RAD9B: variants seen among roughly 807,000 people sequenced by gnomAD.
RAD9B encodes RAD9 checkpoint clamp component B, also known as cell cycle checkpoint control protein RAD9B.
RAD9B carries 41 observed loss-of-function variants against 48.3 expected under a neutral mutation model. The observed-to-expected ratio is 0.85, with a 90% CI of 0.66 to 1.10. The LOEUF (loss-of-function observed/expected upper bound fraction) is 1.10. RAD9B is among the 50% of genes least tolerant of loss of function. RAD9B has a pLI of 0.00. For synonymous variants in RAD9B, 160 were observed against 157.9 expected, an observed-to-expected ratio of 1.01 and a Z score of -0.10; for missense variants, 444 against 485.1, an observed-to-expected ratio of 0.92 and a Z score of 0.80.
At chr12:110,507,914 T>C (rs886865447) in intron 4 of RAD9B, among the ~76,000 whole-genome samples, 1 of 151,982 alleles carries the variant, frequency 6.6e-6, no homozygotes, top group South Asian at 2.1e-4. Context: ...CCTCCCAAAG[T>C]GCTGGGATTG....
rs144208741 is a variant in RAD9B at position 110,514,447 on chromosome 12, G to A, written c.489-603G>A. Reference sequence around the variant, plus strand: ...ATGCCCAACATCATTAGTCATTAGGGAAATGCAAATCAAACAATTTTCAAT... The same window carrying A: ...ATGCCCAACATCATTAGTCATTAGGAAAATGCAAATCAAACAATTTTCAAT... On this transcript the variant is annotated intron_variant, in intron 5 of 10. Transcript: ENST00000409300. 6.6e-3 allele frequency among the ~76,000 whole-genome samples: 1,010 copies of A among 152,248 alleles called. 3 individuals carry two copies. The highest frequency in any genetic ancestry group is 0.011 in the Non-Finnish European group (716 of 68,014).
At chr12:110,525,723 C>T (rs1305562361) in intron 10 of RAD9B, among the ~76,000 whole-genome samples, 4 of 152,132 alleles carry the variant, frequency 2.6e-5, no homozygotes, top group Non-Finnish European at 4.4e-5. Flanking sequence ...CTATGTCTCA[C>T]TCTGTTGCCT....
chr12:110,507,683 T>C (rs1443020478), intron 4 of RAD9B, among the ~76,000 whole-genome samples: 1 of 149,782 alleles, frequency 6.7e-6, no homozygotes, highest in Non-Finnish European at 1.5e-5. Flanking sequence ...GGAGTTTCGC[T>C]CTTGTTGCCC....
chr12:110,521,900 TGTATA>T (rs1385300798), intron 9 of RAD9B, among the ~76,000 whole-genome samples: 4 of 152,152 alleles, frequency 2.6e-5, no homozygotes, highest in Admixed American at 6.6e-5. Context: ...ATCATATAGA[TGTATA>T]GTAATTTACT....
chr12:110,519,865 A>G lies in RAD9B; in HGVS notation c.839A>G (p.Gln280Arg), dbSNP rs1275766013. Residue 280 changes from glutamine (Q) to arginine (R), a missense_variant, in exon 9 of 11, where the codon CAA (glutamine) becomes CGA (arginine). Physicochemically the swap from Gln to Arg is conservative, Grantham distance 43. Transcript: ENST00000409300. ...ATTTTGGCCACATTAGCTGATGAAC[A>G]AAGTAGAGCATCTTCACCACAGTCA... ...NFILATLADE[Q>R]SRASSPQSLC... The G allele has an allele frequency of 6.2e-7, 1 of 1,613,438 alleles. No homozygotes were observed. The highest frequency in any genetic ancestry group is 8.5e-7 in the Non-Finnish European group (1 of 1,179,696).
chr12:110,517,790 A>ACAC (rs1565891284), intron 6 of RAD9B, among the ~76,000 whole-genome samples: 2 of 151,042 alleles, frequency 1.3e-5, no homozygotes, highest in African/African-American at 4.9e-5. Context: ...ACACACACAC[A>ACAC]AATAATTATA....
chr12:110,507,206 T>G (rs2063303113), intron 4 of RAD9B, among the ~76,000 whole-genome samples: 1 of 151,890 alleles, frequency 6.6e-6, no homozygotes, highest in African/African-American at 2.4e-5. Context: ...TATTGTAAGA[T>G]GATCGGTATT....
At chr12:110,513,762 T>C (rs2063532628) in intron 5 of RAD9B, among the ~76,000 whole-genome samples, 1 of 150,868 alleles carries the variant, frequency 6.6e-6, no homozygotes, top group Non-Finnish European at 1.5e-5. Context: ...CTCCCTCTGT[T>C]GCTCAGGCTG....
chr12:110,523,264 A>G (rs529960871), intron 10 of RAD9B, among the ~76,000 whole-genome samples: 2 of 152,056 alleles, frequency 1.3e-5, no homozygotes, highest in South Asian at 2.1e-4. Context: ...GTGAGACCCC[A>G]TCTCAACAAA....
chr12:110,531,510 T>C lies in RAD9B; in HGVS notation c.*857T>C. On this transcript the variant is annotated 3_prime_UTR_variant, in exon 11 of 11. Transcript: ENST00000409300. ...CCCAACCTGGAGTGTTTTTACATAT[T>C]GTAAAATTTTATTTCCTAACCTCAA... 1 of 1,199,868 alleles carries C rather than the reference T, an allele frequency of 8.3e-7. No homozygotes were observed. Among genetic ancestry groups the C allele is most frequent in the Non-Finnish European group, 1.2e-6 (1 of 820,538 alleles). The allele number at this position is 1,199,868 out of a possible 1,614,324, so 74.3% of individuals were successfully genotyped here.
chr12:110,528,236 A>C (rs1406414284), intron 10 of RAD9B, among the ~76,000 whole-genome samples: 1 of 151,722 alleles, frequency 6.6e-6, no homozygotes, highest in Non-Finnish European at 1.5e-5. Flanking sequence ...GTGATTACTT[A>C]GATGAGAAGT....
chr12:110,518,273 G>T (rs1217577206), intron 6 of RAD9B, among the ~76,000 whole-genome samples: 2 of 152,014 alleles, frequency 1.3e-5, no homozygotes, highest in Admixed American at 6.6e-5. Flanking sequence ...CTGAGGCAGA[G>T]GATCACTTGA....
intron 10 of RAD9B, among the ~76,000 whole-genome samples, chr12:110,526,166 G>T (rs1051091584): frequency 2.6e-5 from 4 of 152,086 alleles, no homozygotes; most frequent in African/African-American, 9.7e-5. Flanking sequence ...GTTTAAACTA[G>T]AAGTTATACA....
At chr12:110,511,471 C>A (rs1028840846) in intron 4 of RAD9B, 2 of 453,420 alleles carry the variant, frequency 4.4e-6, no homozygotes, top group Non-Finnish European at 8.9e-6. Flanking sequence ...GTGAAATAAG[C>A]CAGGCATGGA....
intron 4 of RAD9B, chr12:110,508,068 G>C (rs2063348938): frequency 5.9e-6 from 1 of 168,094 alleles, no homozygotes; most frequent in South Asian, 2.0e-4. Flanking sequence ...TTCCTTCTTT[G>C]AACTTCAGTT....
intron 6 of RAD9B, among the ~76,000 whole-genome samples, chr12:110,516,784 G>A (rs1016490209): frequency 2.0e-5 from 3 of 152,020 alleles, no homozygotes; most frequent in Non-Finnish European, 4.4e-5. Context: ...CGGCACTCCA[G>A]CCTGGCGACA....
At chr12:110,522,837 G>A (rs1285827142) in intron 10 of RAD9B, among the ~76,000 whole-genome samples, 4 of 152,030 alleles carry the variant, frequency 2.6e-5, no homozygotes, top group Non-Finnish European at 5.9e-5. Flanking sequence ...TAGTACAAAC[G>A]TAAATTTCAT....
Position 110,522,734 on chromosome 12 carries a change from T to C in RAD9B, c.1125+323T>C, listed in dbSNP as rs1020536469. The stretch of plus-strand genomic sequence containing the variant: ...TGGTATATTCTATCTTGAATAACAA[T>C]AATATGCTGAGATCATATAAATAAT... On this transcript the variant is annotated intron_variant, in intron 10 of 10. Coordinates refer to ENST00000409300, the MANE Select transcript of RAD9B (RefSeq NM_001286535.2). Among the ~76,000 whole-genome samples the C allele has an allele frequency of 3.9e-5, 6 of 152,236 alleles. No homozygotes were observed. In the South Asian group the frequency reaches 1.2e-3, roughly 31 times the overall value.
intron 10 of RAD9B, among the ~76,000 whole-genome samples, chr12:110,524,119 T>A (rs1240304813): frequency 6.6e-6 from 1 of 152,170 alleles, no homozygotes; most frequent in Non-Finnish European, 1.5e-5. Flanking sequence ...AACCTCTCTC[T>A]TACCACGTAT....
Sources: gnomAD v4.1 joint callset for allele counts (sites outside exome capture counted in the v4.1 genomes callset) on GRCh38, gnomAD v4.1.1 for gene constraint, MANE v1.5 for transcripts, NCBI Gene and HGNC (gene_info 2026-07-23, HGNC 2026-07-21) for gene names.